TRANK1: variants seen among roughly 807,000 people sequenced by gnomAD.
TRANK1 encodes the protein TPR and ankyrin repeat-containing protein 1.
Under a neutral mutation model 266.0 loss-of-function variants are expected in TRANK1, and 198 were observed. The observed-to-expected ratio is 0.74, with a 90% CI of 0.66 to 0.84. The LOEUF (loss-of-function observed/expected upper bound fraction) is 0.84. Among genes scored for constraint, TRANK1 ranks in the 40% least tolerant of loss-of-function variants. The pLI is 0.00. For missense variants in TRANK1, 3,326 were observed against 3,634.6 expected (o/e 0.92, Z 2.18); for synonymous variants, 1,396 against 1,384.1 (o/e 1.01, Z -0.19).
chr3:36,917,282 G>A (rs6769189), intron 1 of TRANK1, among the ~76,000 whole-genome samples: 26,334 of 151,868 alleles, frequency 0.17, 2,877 homozygotes, highest in East Asian at 0.56. Context: ...CAAAAGCCTC[G>A]AATAGATAAA....
chr3:36,895,452 T>A (rs1211943561), intron 5 of TRANK1, among the ~76,000 whole-genome samples, 188 bp downstream of exon 5: 1 of 152,228 alleles, frequency 6.6e-6, no homozygotes, highest in Non-Finnish European at 1.5e-5. Context: ...TTCCCATTTT[T>A]AAAAATAAAT....
intron 8 of TRANK1, among the ~76,000 whole-genome samples, chr3:36,882,368 GA>G (rs1391336110): frequency 6.6e-6 from 1 of 152,154 alleles, no homozygotes; most frequent in East Asian, 1.9e-4. Context: ...GAGATAAACA[GA>G]ATAGAACAGG....
chr3:36,944,899 G>C lies in TRANK1; in HGVS notation c.-90C>G. The C allele has an allele frequency of 7.7e-7, 1 of 1,301,292 alleles. No individual in the cohort carries two copies. Among genetic ancestry groups the C allele is most frequent in the Non-Finnish European group, 9.9e-7 (1 of 1,010,560 alleles). 80.6% of individuals were successfully genotyped at this position (1,301,292 alleles called of 1,614,324 possible). ...GGCGCGGCGGGCAGTGCGGAAGCCC[G>C]AAAGCTACCGGAGCCCGGGGCAGGG... On this transcript the variant is annotated 5_prime_UTR_variant, in exon 1 of 24. Coordinates refer to ENST00000645898, the MANE Select transcript of TRANK1 (RefSeq NM_001329998.2).
At chr3:36,868,983 G>A (rs2079266675) in intron 9 of TRANK1, among the ~76,000 whole-genome samples, 1 of 152,194 alleles carries the variant, frequency 6.6e-6, no homozygotes, top group Non-Finnish European at 1.5e-5. Flanking sequence ...CTCCAATCTT[G>A]CGCTTCTTGG....
Position 36,856,802 on chromosome 3 carries a change from G to A in TRANK1, c.2920C>T (p.Leu974=). 1 of 1,613,962 alleles carries A rather than the reference G, an allele frequency of 6.2e-7. No individual in the cohort carries two copies. The highest frequency in any genetic ancestry group is 1.6e-4 in the Middle Eastern group (1 of 6,062). ...RGLSCVLRKK[L]KGINKGQVSA... ...ACTTGGCCTTTATTGATACCTTTCA[G>A]CTTCTTCCGCAGGACACAGGACAAG... Residue 974 remains leucine, a synonymous_variant, in exon 13 of 24, where the codon CTG becomes TTG. Transcript: ENST00000645898.
intron 11 of TRANK1, among the ~76,000 whole-genome samples, chr3:36,859,579 G>T (rs1057019727): frequency 2.0e-5 from 3 of 151,906 alleles, no homozygotes. Flanking sequence ...CTCTCCACCC[G>T]AAATCACCTT....
intron 21 of TRANK1, 99 bp from the exon 22 acceptor site, chr3:36,834,018 C>T (rs891957971): frequency 1.7e-6 from 2 of 1,208,266 alleles, no homozygotes; most frequent in African/African-American, 3.1e-5. Flanking sequence ...AAAACTCCCA[C>T]ATGTAGATAT....
intron 17 of TRANK1, among the ~76,000 whole-genome samples, chr3:36,845,833 C>T (rs187254270): frequency 1.9e-4 from 29 of 152,292 alleles, no homozygotes; most frequent in African/African-American, 6.3e-4. Context: ...AGCATACTTA[C>T]GCAGGTATCT....
rs1287584104 is a variant in TRANK1 at position 36,857,613 on chromosome 3, G to A, written c.2109C>T (p.Val703=). 1.2e-6 allele frequency: 2 copies of A among 1,614,038 alleles called. No individual in the cohort carries two copies. The highest frequency in any genetic ancestry group is 1.1e-5 in the South Asian group (1 of 91,082). ...CTGGGAGAGTCTCCCAGCTGTCAGGGACTGCACTTCCTTCAGGCAGTGTTC... is the reference window on the plus strand; with the variant it reads ...CTGGGAGAGTCTCCCAGCTGTCAGGAACTGCACTTCCTTCAGGCAGTGTTC... ...TARTLPEGSA[V]PDSWETLPGT... is the part of the protein sequence containing the mutation. The change falls in exon 13 of 24, where the codon GTC becomes GTT. Residue 703 remains valine, a synonymous_variant. Coordinates refer to ENST00000645898, the MANE Select transcript of TRANK1 (RefSeq NM_001329998.2). This position sits in a 1 kb window ranked among gnomAD's most constrained non-coding sequence, Gnocchi z 4.3.
At chr3:36,864,719 G>C (rs985623956) in intron 9 of TRANK1, among the ~76,000 whole-genome samples, 3 of 152,150 alleles carry the variant, frequency 2.0e-5, no homozygotes, top group African/African-American at 7.2e-5. Context: ...CCCTTTCTAA[G>C]CCTGGGCCTC....
Position 36,856,717 on chromosome 3 carries a change from G to T in TRANK1, c.3005C>A (p.Ala1002Asp), listed in dbSNP as rs2079060319. The T allele has an allele frequency of 1.2e-6, 2 of 1,613,992 alleles. No homozygotes were observed. Among genetic ancestry groups the T allele is most frequent in the Non-Finnish European group, 1.7e-6 (2 of 1,179,888 alleles). The change falls in exon 13 of 24, where the codon GCC (alanine) becomes GAC (aspartate). Residue 1002 changes from alanine to aspartate, a missense_variant. By Grantham distance (126) the Ala-to-Asp change is moderately radical. Transcript: ENST00000645898. ...IPRCYVEDTE[A>D]EKGREHVNPE... ...ATTGACATGCTCCCTGCCCTTCTCG[G>T]CCTCTGTGTCCTCCACATAGCAGCG...
intron 9 of TRANK1, among the ~76,000 whole-genome samples, chr3:36,867,960 G>C (rs1466100031): frequency 6.6e-6 from 1 of 152,192 alleles, no homozygotes; most frequent in Non-Finnish European, 1.5e-5. Flanking sequence ...ACACCCCAAA[G>C]ATGTGTACGA....
At position 36,856,079 on chromosome 3, in the gene TRANK1, A is replaced by G; in HGVS notation, c.3643T>C (p.Ser1215Pro). The change falls in exon 13 of 24, where the codon TCC (serine) becomes CCC (proline). Residue 1215 changes from serine to proline, a missense_variant. Transcript: ENST00000645898. ...TTGTAATGACTAGTGGCCTTGGTGGACTTGGAAAGCTCAATGAAATTCCTT... is the reference window on the plus strand; with the variant it reads ...TTGTAATGACTAGTGGCCTTGGTGGGCTTGGAAAGCTCAATGAAATTCCTT... ...VQRNFIELSK[S>P]TKATSHYKPL... 2 of 1,613,728 alleles carry G rather than the reference A, an allele frequency of 1.2e-6. No individual in the cohort carries two copies. Among genetic ancestry groups the G allele is most frequent in the Non-Finnish European group, 1.7e-6 (2 of 1,179,868 alleles).
At chr3:36,881,907 T>C (rs1180477376) in intron 8 of TRANK1, among the ~76,000 whole-genome samples, 3 of 152,246 alleles carry the variant, frequency 2.0e-5, no homozygotes, top group Non-Finnish European at 4.4e-5. Context: ...CTCCGTGTTG[T>C]AGCATGTATC....
intron 1 of TRANK1, among the ~76,000 whole-genome samples, chr3:36,943,194 G>A (rs1011187503): frequency 2.0e-5 from 3 of 151,778 alleles, no homozygotes; most frequent in Non-Finnish European, 4.4e-5. Flanking sequence ...TCCCTCTGGT[G>A]GGGGGTGGGG....
At chr3:36,889,705 G>A (rs2079659088) in intron 8 of TRANK1, 124 bp downstream of exon 8, 1 of 1,293,400 alleles carries the variant, frequency 7.7e-7, no homozygotes, top group South Asian at 1.8e-5. Flanking sequence ...TAGTTCAAGG[G>A]GAAGTTTAGC....
At chr3:36,869,143 C>T (rs1468387905) in intron 9 of TRANK1, among the ~76,000 whole-genome samples, 1 of 152,302 alleles carries the variant, frequency 6.6e-6, no homozygotes, top group South Asian at 2.1e-4. Flanking sequence ...CCTGGCTTGC[C>T]CTGGCAGCTA....
intron 1 of TRANK1, among the ~76,000 whole-genome samples, chr3:36,920,947 T>C (rs947730740): frequency 1.3e-5 from 2 of 152,194 alleles, no homozygotes; most frequent in African/African-American, 4.8e-5. Flanking sequence ...CATGTTCAGT[T>C]CTTTGTCCTC....
intron 16 of TRANK1, 39 bp downstream of exon 16, chr3:36,847,161 C>G: frequency 6.3e-7 from 1 of 1,580,308 alleles, no homozygotes; most frequent in Non-Finnish European, 8.6e-7. Flanking sequence ...TCACTACTTC[C>G]ATGTCAAGTA....
Sources: gnomAD v4.1 joint callset for allele counts (sites outside exome capture counted in the v4.1 genomes callset) on GRCh38, gnomAD v4.1.1 for gene constraint, Gnocchi (gnomAD v3.1) non-coding constraint, MANE v1.5 for transcripts, NCBI Gene and HGNC (gene_info 2026-07-23, HGNC 2026-07-21) for gene names.